The following MMP24 variants were observed in gnomAD, a reference collection of about 807,000 sequenced individuals.
MMP24 encodes matrix metallopeptidase 24.
In MMP24, 25 loss-of-function variants were observed where a neutral mutation model predicts 62.8. The observed-to-expected ratio is 0.40, with a 90% CI of 0.29 to 0.56. The LOEUF (loss-of-function observed/expected upper bound fraction) is 0.56. MMP24 is among the 20% of genes least tolerant of loss of function. The pLI is 0.50. For missense variants in MMP24, 634 were observed against 853.6 expected (o/e 0.74, Z 3.21); for synonymous variants, 319 against 350.5 (o/e 0.91, Z 1.00).
chr20:35,270,003 G>T (rs2060659962), intron 7 of MMP24, 105 bp downstream of exon 7: 4 of 1,400,170 alleles, frequency 2.9e-6, no homozygotes, highest in Admixed American at 2.2e-5. Context: ...TGTCCTCAGA[G>T]GGCCCCTCTA....
At chr20:35,267,484 T>A (rs2060642439) in intron 6 of MMP24, 65 bp downstream of exon 6, 1 of 1,461,724 alleles carries the variant, frequency 6.8e-7, no homozygotes, top group Non-Finnish European at 9.3e-7. Context: ...CCCGACATCA[T>A]GGAGCTGGGG....
intron 4 of MMP24, 122 bp downstream of exon 4, chr20:35,254,876 A>G: frequency 8.9e-7 from 1 of 1,123,012 alleles, no homozygotes; most frequent in South Asian, 1.6e-5. Flanking sequence ...TAAGACCGTA[A>G]GAGGGTGGGA....
chr20:35,245,637 C>T (rs906970553), intron 1 of MMP24, among the ~76,000 whole-genome samples: 4 of 151,604 alleles, frequency 2.6e-5, no homozygotes, highest in African/African-American at 7.3e-5. Flanking sequence ...TTAGTAGAGA[C>T]GAGGTTTCAT....
intron 2 of MMP24, among the ~76,000 whole-genome samples, chr20:35,251,290 T>G (rs971373898): frequency 6.6e-6 from 1 of 151,920 alleles, no homozygotes; most frequent in Non-Finnish European, 1.5e-5. Context: ...GGCTAATTTT[T>G]TTTTTTGTAT....
In MMP24 at chr20:35,258,976, T is replaced by A. The variant is rs528669884; in HGVS notation, c.817+4222T>A. Among the ~76,000 whole-genome samples, 332 of 151,950 alleles carry A rather than the reference T, an allele frequency of 2.2e-3. 1 individual carries two copies. The highest frequency in any genetic ancestry group is 2.9e-3 in the Non-Finnish European group (198 of 67,948). The stretch of plus-strand genomic sequence containing the variant: ...GGGGCAGATCACCTGAGGTCAGGAG[T>A]TCGAGACCAGCCTGGCCAACATGGC... On this transcript the variant is annotated intron_variant, in intron 4 of 8. Transcript: ENST00000246186.
intron 7 of MMP24, among the ~76,000 whole-genome samples, chr20:35,270,678 A>T (rs955430332): frequency 2.6e-5 from 4 of 152,168 alleles, no homozygotes; most frequent in Non-Finnish European, 5.9e-5. Context: ...TGAGGCCCAA[A>T]TGAGGGAGGA....
chr20:35,239,211 G>C (rs2146204702), intron 1 of MMP24, among the ~76,000 whole-genome samples: 1 of 152,114 alleles, frequency 6.6e-6, no homozygotes, highest in East Asian at 1.9e-4. Context: ...GCTAATTTTT[G>C]TATTTTTAGT....
intron 1 of MMP24, among the ~76,000 whole-genome samples, chr20:35,232,892 G>A (rs1381509526): frequency 1.3e-5 from 2 of 152,144 alleles, no homozygotes; most frequent in Non-Finnish European, 2.9e-5. Context: ...TGGAGGGACT[G>A]GAGTTTGTTC....
At chr20:35,273,264 C>T (rs919507794) in intron 8 of MMP24, among the ~76,000 whole-genome samples, 5 of 151,686 alleles carry the variant, frequency 3.3e-5, no homozygotes, top group Non-Finnish European at 5.9e-5. Flanking sequence ...GGCGTGGTGA[C>T]ATGTGCCTGT....
intron 5 of MMP24, among the ~76,000 whole-genome samples, chr20:35,264,707 C>CAAAAAAAAAAAAAAAAAAAAA (rs57309455): frequency 4.6e-5 from 2 of 43,522 alleles, no homozygotes; most frequent in Admixed American, 4.5e-4. Flanking sequence ...GACTCCGTCT[C>CAAAAAAAAAAAAAAAAAAAAA]AAAAAAAAAA....
At chr20:35,264,942 A>G (rs1301710999) in intron 5 of MMP24, among the ~76,000 whole-genome samples, 1 of 152,180 alleles carries the variant, frequency 6.6e-6, no homozygotes, top group Non-Finnish European at 1.5e-5. Context: ...TACGGAGCAC[A>G]GAAGGAGGGC....
chr20:35,274,409 C>T lies in MMP24; in HGVS notation c.1738C>T (p.Arg580Trp), dbSNP rs1219848195. Residue 580 changes from arginine (R) to tryptophan (W), a missense_variant, in exon 9 of 9, where the codon CGG becomes TGG. Arg to Trp is a moderately radical substitution (Grantham distance 101). Around this residue, in one of 3 missense-constraint regions of MMP24, gnomAD observed 399 missense variants for 530.8 expected, o/e 0.75. Coordinates refer to ENST00000246186, the MANE Select transcript of MMP24 (RefSeq NM_006690.4). The surrounding 1 kb of genome is among the most constrained non-coding windows in gnomAD (Gnocchi z 5.1). ...NQKEVERRKE[R>W]RLPQDDVDIM... ...GAAGGAGGTGGAGCGGCGGAAGGAG[C>T]GGCGGCTGCCCCAGGACGACGTGGA... 9.9e-6 allele frequency: 16 copies of T among 1,613,934 alleles called. No individual in the cohort carries two copies. The highest frequency in any genetic ancestry group is 1.3e-5 in the African/African-American group (1 of 75,054).
chr20:35,263,755 G>C, intron 4 of MMP24, 36 bp from the exon 5 acceptor site: 3 of 1,464,780 alleles, frequency 2.0e-6, no homozygotes, highest in South Asian at 2.8e-5. Context: ...TATCTAAGCA[G>C]GTGCCCTGGG....
chr20:35,264,198 G>A lies in MMP24; in HGVS notation c.979+246G>A, dbSNP rs2146232464. The stretch of plus-strand genomic sequence containing the variant: ...ACTGAGAGGGACAAAAGTGAGGTGA[G>A]GGCCACCCATTCCCTCTCCTTTACC... On this transcript the variant is annotated intron_variant, in intron 5 of 8. Transcript: ENST00000246186. 4 of 332,198 alleles carry A rather than the reference G, an allele frequency of 1.2e-5. No individual in the cohort carries two copies. The East Asian group carries it at 2.2e-4, about 18-fold the overall frequency. 20.6% of individuals were successfully genotyped at this position (332,198 alleles called of 1,614,324 possible).
At chr20:35,239,192 G>A (rs549365875) in intron 1 of MMP24, among the ~76,000 whole-genome samples, 38 of 151,866 alleles carry the variant, frequency 2.5e-4, no homozygotes, top group African/African-American at 8.2e-4. Flanking sequence ...GATTACAGGC[G>A]CACGCCCGGC....
intron 5 of MMP24, among the ~76,000 whole-genome samples, chr20:35,265,719 C>T (rs1240488890): frequency 6.6e-6 from 1 of 150,886 alleles, no homozygotes; most frequent in East Asian, 2.0e-4. Context: ...GTCTCTACCC[C>T]CCCAAAAATA....
chr20:35,248,097 G>A (rs1015511296), intron 2 of MMP24, among the ~76,000 whole-genome samples: 1 of 152,110 alleles, frequency 6.6e-6, no homozygotes, highest in African/African-American at 2.4e-5. Context: ...GGAAGGGAGG[G>A]GAACCTGAGG....
intron 5 of MMP24, among the ~76,000 whole-genome samples, chr20:35,266,541 G>A (rs2060636623): frequency 6.6e-6 from 1 of 152,026 alleles, no homozygotes; most frequent in African/African-American, 2.4e-5. Flanking sequence ...GGGCAGATGA[G>A]GACACGCAGC....
At chr20:35,250,929 T>G (rs1404159306) in intron 2 of MMP24, among the ~76,000 whole-genome samples, 2 of 152,090 alleles carry the variant, frequency 1.3e-5, no homozygotes, top group African/African-American at 2.4e-5. Flanking sequence ...CAAACAGATA[T>G]CAGGATTTAC....
Sources: allele counts gnomAD v4.1 joint callset (sites outside exome capture counted in the v4.1 genomes callset), GRCh38; gene constraint gnomAD v4.1.1; regional missense constraint gnomAD v4.1.1; non-coding constraint Gnocchi (gnomAD v3.1); transcripts MANE v1.5; gene names NCBI Gene and HGNC (gene_info 2026-07-23, HGNC 2026-07-21).